Variants in RGS18 observed in about 807,000 individuals in gnomAD.
RGS18 encodes the protein regulator of G protein signaling 18, also known as regulator of G-protein signaling 18.
In RGS18, 22 loss-of-function variants were observed where a neutral mutation model predicts 27.6. The observed-to-expected ratio is 0.80, with a 90% CI of 0.57 to 1.14. The LOEUF (loss-of-function observed/expected upper bound fraction) is 1.14, where lower values mean the gene tolerates loss of function less well. Ranked by LOEUF, RGS18 falls within the 50% of genes most tolerant of loss-of-function variation. The pLI, the probability that RGS18 is intolerant of heterozygous loss-of-function variation, is 0.00. For synonymous variants in RGS18, 89 were observed against 84.6 expected, an observed-to-expected ratio of 1.05 and a Z score of -0.29; for missense variants, 299 against 269.6, an observed-to-expected ratio of 1.11 and a Z score of -0.76.
intron 4 of RGS18, among the ~76,000 whole-genome samples, chr1:192,182,830 T>G (rs1433366314): frequency 6.6e-6 from 1 of 151,654 alleles, no homozygotes; most frequent in Non-Finnish European, 1.5e-5. Flanking sequence ...TCAAGAAGTT[T>G]GCATCATATA....
At chr1:192,175,253 T>C (rs1191882666) in intron 3 of RGS18, among the ~76,000 whole-genome samples, 2 of 151,896 alleles carry the variant, frequency 1.3e-5, no homozygotes, top group Admixed American at 6.6e-5. Context: ...AGATAACTTA[T>C]CAGTTTTTAT....
chr1:192,181,535 A>G, intron 4 of RGS18, 77 bp downstream of exon 4: 1 of 977,234 alleles, frequency 1.0e-6, no homozygotes, highest in Non-Finnish European at 1.4e-6. Context: ...ATTGTGAATT[A>G]TATTTTTCCA....
Position 192,158,702 on chromosome 1 carries a change from T to C in RGS18, c.65T>C (p.Phe22Ser). The change falls in exon 1 of 5, where the codon TTC becomes TCC. Residue 22 changes from phenylalanine to serine, a missense_variant. Physicochemically the swap from Phe to Ser is radical, Grantham distance 155. Transcript: ENST00000367460. ...TGTGAATCAAAAGAAAAAACTTTTT[T>C]CAAGTTAATACATGGTTCAGGAAAA... is the stretch of plus-strand genomic sequence containing the variant. ...NMCESKEKTF[F>S]KLIHGSGKEE... 1 of 1,581,552 alleles carries C rather than the reference T, an allele frequency of 6.3e-7. No homozygotes were observed. The highest frequency in any genetic ancestry group is 8.6e-7 in the Non-Finnish European group (1 of 1,169,002).
At chr1:192,180,762 G>T (rs534570175) in intron 3 of RGS18, among the ~76,000 whole-genome samples, 58 of 151,752 alleles carry the variant, frequency 3.8e-4, no homozygotes, top group African/African-American at 1.4e-3. Context: ...CCTGCAAATT[G>T]AAGCCTTGTT....
At chr1:192,174,246 T>G (rs12117018) in intron 3 of RGS18, among the ~76,000 whole-genome samples, 62,099 of 151,598 alleles carry the variant, frequency 0.41, 14,211 homozygotes, top group East Asian at 0.71. Context: ...TGTTTTGTTT[T>G]TATCTATGTT....
chr1:192,180,780 G>A (rs899666961), intron 3 of RGS18, among the ~76,000 whole-genome samples: 9 of 151,552 alleles, frequency 5.9e-5, no homozygotes, highest in African/African-American at 1.9e-4. Context: ...GTTCATACTC[G>A]GGCCTATGGG....
intron 3 of RGS18, among the ~76,000 whole-genome samples, chr1:192,166,830 T>A (rs1301816695): frequency 6.6e-6 from 1 of 152,190 alleles, no homozygotes; most frequent in East Asian, 1.9e-4. Flanking sequence ...TCAAAAGTTT[T>A]GCAGGGTTTT....
At chr1:192,161,460 G>C (rs1007422353) in intron 3 of RGS18, 16 of 152,136 alleles carry the variant, frequency 1.1e-4, no homozygotes, top group African/African-American at 3.6e-4. Context: ...CAGATAGAAA[G>C]ACTCAACTGA....
intron 3 of RGS18, chr1:192,163,748 A>G (rs1361745822): frequency 1.3e-5 from 2 of 151,902 alleles, no homozygotes; most frequent in African/African-American, 2.4e-5. Flanking sequence ...TTATAATAAT[A>G]TTAAATTGTC....
intron 3 of RGS18, among the ~76,000 whole-genome samples, chr1:192,178,177 A>G (rs1656389279): frequency 1.3e-5 from 2 of 151,826 alleles, no homozygotes; most frequent in South Asian, 4.1e-4. Flanking sequence ...ATCCCTGAGA[A>G]TAAATGCCAG....
chr1:192,159,652 A>T (rs1656036083), intron 2 of RGS18, among the ~76,000 whole-genome samples: 1 of 152,136 alleles, frequency 6.6e-6, no homozygotes, highest in African/African-American at 2.4e-5. Context: ...TAGCAGAGAG[A>T]TATTCATCTC....
At position 192,159,257 on chromosome 1, in the gene RGS18, C is replaced by A. The variant is rs1361336169; in HGVS notation, c.157C>A (p.Gln53Lys). ...AAGAAATAGACTAAGTCTTCTTGTGCAGAAACCTGAGTTTCATGAAGACAC... is the reference window on the plus strand; with the variant it reads ...AAGAAATAGACTAAGTCTTCTTGTGAAGAAACCTGAGTTTCATGAAGACAC... ...EKRNRLSLLV[Q>K]KPEFHEDTRS... Residue 53 changes from glutamine (Q) to lysine (K), a missense_variant, in exon 2 of 5, where the codon CAG becomes AAG. Transcript: ENST00000367460. 2.1e-5 allele frequency: 34 copies of A among 1,613,514 alleles called. No homozygotes were observed. The highest frequency in any genetic ancestry group is 2.9e-5 in the Non-Finnish European group (34 of 1,179,518).
chr1:192,161,845 T>A (rs1317606345), intron 3 of RGS18, among the ~76,000 whole-genome samples: 1 of 152,216 alleles, frequency 6.6e-6, no homozygotes. Flanking sequence ...CAACTTTTCT[T>A]TTCTGACATA....
Position 192,158,595 on chromosome 1 carries a change from G to T in RGS18, c.-43G>T. 2 of 1,480,948 alleles carry T rather than the reference G, an allele frequency of 1.4e-6. No homozygotes were observed. Among genetic ancestry groups the T allele is most frequent in the Non-Finnish European group, 1.8e-6 (2 of 1,107,200 alleles). The allele number at this position is 1,480,948 out of a possible 1,614,324, so 91.7% of individuals were successfully genotyped here. A position where few individuals can be genotyped will look rare whatever the true frequency, so the allele number is the denominator to read the frequency against. On this transcript the variant is annotated 5_prime_UTR_variant, in exon 1 of 5. Coordinates refer to ENST00000367460, the MANE Select transcript of RGS18 (RefSeq NM_130782.3). ...GAATAGTATTAATAAATGAACTAGGGAAGGATGTAATAAATTAGACATCTC... is the reference window on the plus strand; with the variant it reads ...GAATAGTATTAATAAATGAACTAGGTAAGGATGTAATAAATTAGACATCTC...
At chr1:192,176,808 A>T (rs2102158449) in intron 3 of RGS18, among the ~76,000 whole-genome samples, 1 of 151,876 alleles carries the variant, frequency 6.6e-6, no homozygotes, top group African/African-American at 2.4e-5. Context: ...CAAAGTAAGG[A>T]ATACATTATA....
At chr1:192,181,499 A>G (rs1347945333) in intron 4 of RGS18, 41 bp downstream of exon 4, 1 of 1,321,768 alleles carries the variant, frequency 7.6e-7, no homozygotes, top group East Asian at 2.7e-5. Flanking sequence ...ATTGCTTTCA[A>G]AATTTTTTAA....
At chr1:192,158,800 A>G in intron 1 of RGS18, 44 bp downstream of exon 1, 1 of 1,308,756 alleles carries the variant, frequency 7.6e-7, no homozygotes, top group Non-Finnish European at 1.1e-6. Flanking sequence ...TTTTAAAAGC[A>G]TAATTGAGGT....
chr1:192,179,246 C>T (rs1018818701), intron 3 of RGS18, among the ~76,000 whole-genome samples: 8 of 151,488 alleles, frequency 5.3e-5, no homozygotes, highest in Non-Finnish European at 1.0e-4. Flanking sequence ...CAATAACTTA[C>T]ATAAGGAGAG....
At chr1:192,159,457 G>C (rs1557933082) in intron 2 of RGS18, 136 bp downstream of exon 2, 1 of 639,306 alleles carries the variant, frequency 1.6e-6, no homozygotes, top group Non-Finnish European at 2.8e-6. Flanking sequence ...TTCATTTGAA[G>C]AGACTAGAAA....
Sources: gnomAD v4.1 joint callset for allele counts (sites outside exome capture counted in the v4.1 genomes callset) on GRCh38, gnomAD v4.1.1 for gene constraint, MANE v1.5 for transcripts, NCBI Gene and HGNC (gene_info 2026-07-23, HGNC 2026-07-21) for gene names.